Variants in NLRC5 observed in about 807,000 individuals in gnomAD.
NLRC5 encodes the protein protein NLRC5.
A neutral mutation model predicts 206.9 loss-of-function variants in NLRC5; 114 were observed. That is an observed-to-expected ratio of 0.55 (90% CI 0.47 to 0.64). NLRC5 has a LOEUF of 0.64. Among genes scored for constraint, NLRC5 ranks in the 30% least tolerant of loss-of-function variants. NLRC5 has a pLI of 0.00. For synonymous variants in NLRC5, 952 were observed against 962.8 expected, an observed-to-expected ratio of 0.99 and a Z score of 0.21; for missense variants, 2,008 against 2,305.5, an observed-to-expected ratio of 0.87 and a Z score of 2.64.
intron 36 of NLRC5, chr16:57,069,622 G>A: frequency 5.1e-6 from 3 of 583,062 alleles, no homozygotes; most frequent in Non-Finnish European, 9.2e-6. Flanking sequence ...AATGACTGCG[G>A]TTTAGGAAAT....
At chr16:57,057,424 A>AAAAT (rs1296933148) in intron 27 of NLRC5, among the ~76,000 whole-genome samples, 5 of 152,184 alleles carry the variant, frequency 3.3e-5, no homozygotes, top group Non-Finnish European at 7.4e-5. Flanking sequence ...ACTCCATCTC[A>AAAAT]AAATAAATAA....
intron 38 of NLRC5, among the ~76,000 whole-genome samples, chr16:57,072,878 T>A (rs1182416245): frequency 6.6e-6 from 1 of 152,188 alleles, no homozygotes; most frequent in Non-Finnish European, 1.5e-5. Flanking sequence ...TTTTGCCCCT[T>A]AACATTGAAA....
Position 57,026,655 on chromosome 16 carries a change from G to A in NLRC5, c.1712G>A (p.Cys571Tyr). 1 of 1,614,154 alleles carries A rather than the reference G, an allele frequency of 6.2e-7. No homozygotes were observed. The highest frequency in any genetic ancestry group is 8.5e-7 in the Non-Finnish European group (1 of 1,180,016). Residue 571 changes from cysteine (C) to tyrosine (Y), a missense_variant, in exon 6 of 49, where the codon TGC becomes TAC. Transcript: ENST00000688547. The stretch of plus-strand genomic sequence containing the variant: ...ACCTTCCTGGCGGGCCTGGCATCCT[G>A]CACCTGCCGCCCCTTCCTTAGCCAC... ...LPTFLAGLASCTCRPFLSHLA... is the reference protein window; with the variant it reads ...LPTFLAGLASYTCRPFLSHLA...
intron 24 of NLRC5, among the ~76,000 whole-genome samples, chr16:57,052,185 T>C (rs997940027): frequency 6.6e-6 from 1 of 152,202 alleles, no homozygotes; most frequent in African/African-American, 2.4e-5. Context: ...ATTTTAAAAG[T>C]ATTTAGGCCA....
Position 57,061,451 on chromosome 16 carries a change from A to G in NLRC5, c.3990A>G (p.Leu1330=), listed in dbSNP as rs764903274. 53 of 1,611,076 alleles carry G rather than the reference A, an allele frequency of 3.3e-5. No homozygotes were observed. Among genetic ancestry groups the G allele is most frequent in the Non-Finnish European group, 4.4e-5 (52 of 1,179,930 alleles). ...REDQAGKTLR[L]SECSFRPEHV... is the part of the protein sequence containing the mutation. ...TGCCCTGGCTTTCTGCCCTCAGGCT[A>G]AGTGAGTGCAGCTTCCGGCCAGAGC... The change falls in exon 31 of 49, where the codon CTA becomes CTG. Residue 1330 remains leucine (L), a synonymous_variant. Transcript: ENST00000688547.
At position 57,029,792 on chromosome 16, in the gene NLRC5, A is replaced by G. The variant is rs1198695612; in HGVS notation, c.2263A>G (p.Ser755Gly). ...KEVSFRDNQL[S>G]DQVVLNIVEV... ...TCGCAGTTTTCGGGACAACCAGCTCAGTGACCAGGTGGTGCTGAACATTGT... is the reference window on the plus strand; with the variant it reads ...TCGCAGTTTTCGGGACAACCAGCTCGGTGACCAGGTGGTGCTGAACATTGT... Residue 755 changes from serine (S) to glycine (G), a missense_variant, in exon 9 of 49, where the codon AGT becomes GGT. Coordinates refer to ENST00000688547, the MANE Select transcript of NLRC5 (RefSeq NM_001384950.1). 7 of 1,613,936 alleles carry G rather than the reference A, an allele frequency of 4.3e-6. No individual in the cohort carries two copies. The highest frequency in any genetic ancestry group is 2.2e-5 in the East Asian group (1 of 44,896).
chr16:57,073,996 G>A (rs936317856), intron 38 of NLRC5, among the ~76,000 whole-genome samples: 7 of 152,172 alleles, frequency 4.6e-5, no homozygotes, highest in South Asian at 2.1e-4. Context: ...CCCCTGCTAC[G>A]GTTGTTGTGA....
At position 57,054,739 on chromosome 16, in the gene NLRC5, T is replaced by A. The variant is rs745620145; in HGVS notation, c.3507-12T>A. 3.5e-6 allele frequency: 5 copies of A among 1,428,644 alleles called. No individual in the cohort carries two copies. In the South Asian group the frequency reaches 5.6e-5, roughly 16 times the overall value. The allele number at this position is 1,428,644 out of a possible 1,614,324, so 88.5% of individuals were successfully genotyped here. A position where few individuals can be genotyped will look rare whatever the true frequency, so the allele number is the denominator to read the frequency against. On this transcript the variant is annotated splice_polypyrimidine_tract_variant and intron_variant, in intron 24 of 48. Coordinates refer to ENST00000688547, the MANE Select transcript of NLRC5 (RefSeq NM_001384950.1). ...CACTCATCTTGCCGGATCTACCCCC[T>A]TTCCTTTTCAGGCTGAGCCAGACGG...
intron 1 of NLRC5, among the ~76,000 whole-genome samples, chr16:57,007,663 A>C (rs1319420120): frequency 6.6e-6 from 1 of 152,210 alleles, no homozygotes; most frequent in African/African-American, 2.4e-5. Flanking sequence ...GGGGAGGTGG[A>C]AGTTGCAGTG....
intron 1 of NLRC5, among the ~76,000 whole-genome samples, chr16:56,990,202 G>C (rs1158420090): frequency 6.6e-6 from 1 of 151,920 alleles, no homozygotes; most frequent in East Asian, 1.9e-4. Flanking sequence ...ACCTACTCAC[G>C]ACCCCAAGGC....
chr16:57,074,797 C>G, intron 39 of NLRC5, 114 bp downstream of exon 39: 1 of 973,910 alleles, frequency 1.0e-6, no homozygotes, highest in Non-Finnish European at 1.6e-6. Context: ...TTGCGGATCC[C>G]TCCCAGGCCC....
intron 38 of NLRC5, among the ~76,000 whole-genome samples, chr16:57,073,800 G>A (rs1335206104): frequency 6.6e-6 from 1 of 152,106 alleles, no homozygotes; most frequent in Non-Finnish European, 1.5e-5. Context: ...CACTTTGTTG[G>A]CCAGGCTGGT....
At chr16:57,019,321 C>A (rs11864134) in intron 2 of NLRC5, among the ~76,000 whole-genome samples, 3,315 of 152,094 alleles carry the variant, frequency 0.022, 108 homozygotes, top group African/African-American at 0.076. Context: ...CGCTTGAACC[C>A]GGGAGGCGGA....
At chr16:57,064,164 C>T (rs2066843874) in intron 32 of NLRC5, among the ~76,000 whole-genome samples, 1 of 151,852 alleles carries the variant, frequency 6.6e-6, no homozygotes, top group Admixed American at 6.6e-5. Context: ...CTCAGGCGTT[C>T]AAGACCAGCC....
chr16:57,005,660 T>G (rs112726129), intron 1 of NLRC5, among the ~76,000 whole-genome samples: 1 of 152,198 alleles, frequency 6.6e-6, no homozygotes, highest in South Asian at 2.1e-4. Flanking sequence ...GGCTCACATC[T>G]GTAATCCCAG....
intron 33 of NLRC5, 82 bp downstream of exon 33, chr16:57,065,380 T>A: frequency 6.0e-6 from 6 of 995,366 alleles, no homozygotes; most frequent in Middle Eastern, 2.2e-4. Context: ...CCTCATCCTG[T>A]GGGGTAATAG....
At chr16:57,066,761 C>T in intron 34 of NLRC5, 147 bp downstream of exon 34, 1 of 691,280 alleles carries the variant, frequency 1.4e-6, no homozygotes, top group Non-Finnish European at 2.5e-6. Context: ...CAACCCACTT[C>T]TGAGGCGTTT....
At position 57,059,291 on chromosome 16, in the gene NLRC5, G is replaced by A. The variant is rs1484850728; in HGVS notation, c.3921-176G>A. On this transcript the variant is annotated intron_variant, in intron 29 of 48. Coordinates refer to ENST00000688547, the MANE Select transcript of NLRC5 (RefSeq NM_001384950.1). ...TGGAGGCCATGGGGTGGGAAGGCCA[G>A]GTATTGCCATGCTCACAGAATGAGT... The A allele has an allele frequency of 5.5e-6, 8 of 1,462,278 alleles. No homozygotes were observed. The East Asian group carries it at 7.5e-5, about 14-fold the overall frequency. The allele number at this position is 1,462,278 out of a possible 1,614,324, so 90.6% of individuals were successfully genotyped here.
At chr16:57,069,005 C>A (rs1323360411) in intron 36 of NLRC5, among the ~76,000 whole-genome samples, 2 of 152,210 alleles carry the variant, frequency 1.3e-5, no homozygotes, top group Non-Finnish European at 2.9e-5. Flanking sequence ...ATCGTGCCTT[C>A]CATCGGGGCA....
Sources: gnomAD v4.1 joint callset for allele counts (sites outside exome capture counted in the v4.1 genomes callset) on GRCh38, gnomAD v4.1.1 for gene constraint, MANE v1.5 for transcripts, NCBI Gene and HGNC (gene_info 2026-07-23, HGNC 2026-07-21) for gene names.